The following GRIK4 variants were observed in gnomAD, a reference collection of about 807,000 sequenced individuals.
The protein encoded by GRIK4 is glutamate receptor ionotropic, kainate 4.
GRIK4 carries 40 observed loss-of-function variants against 104.9 expected under a neutral mutation model. That is an observed-to-expected ratio of 0.38 (90% CI 0.30 to 0.50). GRIK4 has a LOEUF of 0.50. Ranked by LOEUF, GRIK4 falls within the 20% of genes least tolerant of loss-of-function variation. The pLI is 0.93. For missense variants in GRIK4, 1,047 were observed against 1,308.1 expected (o/e 0.80, Z 3.08); for synonymous variants, 485 against 524.9 (o/e 0.92, Z 1.04).
chr11:120,585,661 G>T, intron 1 of GRIK4, among the ~76,000 whole-genome samples: 1 of 149,986 alleles, frequency 6.7e-6, no homozygotes, highest in Non-Finnish European at 1.5e-5. Context: ...CTTCTACTCT[G>T]ATCTAGTTTG....
Position 120,902,410 on chromosome 11 carries a change from A to G in GRIK4, c.1273-2880A>G, listed in dbSNP as rs1261664043. Among the ~76,000 whole-genome samples the G allele has an allele frequency of 6.6e-6, 1 of 152,078 alleles. No homozygotes were observed. The highest frequency in any genetic ancestry group is 1.9e-4 in the East Asian group (1 of 5,180). On this transcript the variant is annotated intron_variant, in intron 12 of 20. Transcript: ENST00000527524. The surrounding 1 kb of genome is among the most constrained non-coding windows in gnomAD (Gnocchi z 4.5). ...TCCAAGACCGGCCTTGTGTCTGTTC[A>G]CTTTGAATATGTCAATAAGTTTTAA... is the stretch of plus-strand genomic sequence containing the variant.
At chr11:120,734,950 A>G (rs1951195830) in intron 3 of GRIK4, among the ~76,000 whole-genome samples, 1 of 152,196 alleles carries the variant, frequency 6.6e-6, no homozygotes, top group South Asian at 2.1e-4. Context: ...TGTTAAATTT[A>G]TCTGATAGAA....
intron 3 of GRIK4, among the ~76,000 whole-genome samples, chr11:120,793,775 G>C (rs1405857619): frequency 6.6e-6 from 1 of 150,934 alleles, no homozygotes; most frequent in Non-Finnish European, 1.5e-5. Flanking sequence ...AGTGTTAGGG[G>C]CTGAGAGCTG....
rs1054177185 is a variant in GRIK4 at position 120,762,534 on chromosome 11, A to T, written c.83-40159A>T. ...TGTCTTGTGCTGGTTTTCAAAGGGAATGCTTCCAGCTTTTGCCCATTCAGA... is the reference window on the plus strand; with the variant it reads ...TGTCTTGTGCTGGTTTTCAAAGGGATTGCTTCCAGCTTTTGCCCATTCAGA... On this transcript the variant is annotated intron_variant, in intron 3 of 20. Coordinates refer to ENST00000527524, the MANE Select transcript of GRIK4 (RefSeq NM_014619.5). Among the ~76,000 whole-genome samples the T allele has an allele frequency of 1.1e-4, 17 of 152,318 alleles. No individual in the cohort carries two copies. The South Asian group carries it at 3.3e-3, about 30-fold the overall frequency.
intron 6 of GRIK4, among the ~76,000 whole-genome samples, chr11:120,830,654 T>C (rs2135561675): frequency 6.6e-6 from 1 of 152,304 alleles, no homozygotes; most frequent in East Asian, 1.9e-4. Context: ...CTACCTCCGA[T>C]TCTCCTCTGT....
intron 1 of GRIK4, among the ~76,000 whole-genome samples, chr11:120,575,307 C>T (rs1314543138): frequency 6.6e-6 from 1 of 152,158 alleles, no homozygotes; most frequent in Non-Finnish European, 1.5e-5. Context: ...CATTTATCAT[C>T]TCAGGCCTCC....
chr11:120,788,804 T>C (rs1373096761), intron 3 of GRIK4, among the ~76,000 whole-genome samples: 5 of 150,914 alleles, frequency 3.3e-5, no homozygotes, highest in Admixed American at 3.3e-4. Flanking sequence ...ATTGTCCTAA[T>C]TATGCCCCCT....
chr11:120,514,835 G>A (rs953773450), intron 1 of GRIK4: 37 of 382,816 alleles, frequency 9.7e-5, no homozygotes, highest in African/African-American at 6.9e-4. Flanking sequence ...TGGGCACTTC[G>A]AGTGTCCACT....
At chr11:120,744,632 C>T (rs1001031081) in intron 3 of GRIK4, among the ~76,000 whole-genome samples, 4 of 151,858 alleles carry the variant, frequency 2.6e-5, no homozygotes, top group East Asian at 3.9e-4. Context: ...GGAGGAGACA[C>T]GGGTAGGGTA....
At position 120,660,341 on chromosome 11, in the gene GRIK4, TG is replaced by T. The variant is rs1949792235; in HGVS notation, c.25del (p.Val9CysfsTer8). On this transcript the variant is annotated frameshift_variant, in exon 3 of 21. Coordinates refer to ENST00000527524, the MANE Select transcript of GRIK4 (RefSeq NM_014619.5). LOFTEE classifies it high-confidence loss of function. The stretch of plus-strand genomic sequence containing the variant: ...AAGATGCCCCGCGTCTCGGCGCCTT[TG>T]GTGCTGCTTCCTGCGTGGCTCGTGA... Reference protein sequence around the residue: MPRVSAPLVLLPAWLVMV... With the variant: MPRVSAPXVLLPAWLVMV... The T allele has an allele frequency of 3.1e-6, 5 of 1,613,464 alleles. No individual in the cohort carries two copies. The highest frequency in any genetic ancestry group is 4.2e-6 in the Non-Finnish European group (5 of 1,179,932).
chr11:120,560,743 A>T (rs917114339), intron 1 of GRIK4, among the ~76,000 whole-genome samples: 1 of 152,218 alleles, frequency 6.6e-6, no homozygotes, highest in African/African-American at 2.4e-5. Context: ...GGTTGTGAGG[A>T]TTAAATGAGA....
At position 120,905,501 on chromosome 11, in the gene GRIK4, G is replaced by C; in HGVS notation, c.1476+8G>C. The C allele has an allele frequency of 8.2e-7, 1 of 1,226,816 alleles. No individual in the cohort carries two copies. Among genetic ancestry groups the C allele is most frequent in the Non-Finnish European group, 1.1e-6 (1 of 892,054 alleles). The allele number at this position is 1,226,816 out of a possible 1,614,324, so 76.0% of individuals were successfully genotyped here. ...GGGGAGCTGATCGCTAGGGTAAGGA[G>C]AGGACAAGTGATCTGGGCCTGAGGG... On this transcript the variant is annotated splice_region_variant and intron_variant, in intron 13 of 20. Transcript: ENST00000527524. This position sits in a 1 kb window ranked among gnomAD's most constrained non-coding sequence, Gnocchi z 5.1.
At position 120,953,598 on chromosome 11, in the gene GRIK4, G is replaced by A. The variant is rs1055703346; in HGVS notation, c.1700+634G>A. On this transcript the variant is annotated intron_variant, in intron 15 of 20. Transcript: ENST00000527524. This position sits in a 1 kb window ranked among gnomAD's most constrained non-coding sequence, Gnocchi z 4.9. ...CAAGAAGTGCTGAGTTGAGACGCAC[G>A]GGCCAGACCAGGGAGGGGGGAGAAT... is the stretch of plus-strand genomic sequence containing the variant. Among the ~76,000 whole-genome samples the A allele has an allele frequency of 6.6e-6, 1 of 152,108 alleles. No homozygotes were observed. The highest frequency in any genetic ancestry group is 1.5e-5 in the Non-Finnish European group (1 of 68,012).
chr11:120,546,164 A>G (rs1948083794), intron 1 of GRIK4, among the ~76,000 whole-genome samples: 1 of 152,064 alleles, frequency 6.6e-6, no homozygotes, highest in African/African-American at 2.4e-5. Flanking sequence ...TGTGGAGGAG[A>G]CAGGAGATTT....
chr11:120,900,794 T>C (rs1056105029), intron 12 of GRIK4, among the ~76,000 whole-genome samples: 27 of 152,160 alleles, frequency 1.8e-4, no homozygotes, highest in African/African-American at 6.5e-4. Flanking sequence ...CCCCAGGGTT[T>C]CACCCACGCC....
intron 12 of GRIK4, among the ~76,000 whole-genome samples, chr11:120,904,672 A>T (rs965200025): frequency 6.6e-6 from 1 of 152,164 alleles, no homozygotes; most frequent in African/African-American, 2.4e-5. Context: ...GCTACCCTGG[A>T]AGGTCCATCG....
intron 13 of GRIK4, among the ~76,000 whole-genome samples, chr11:120,910,467 G>A (rs995705673): frequency 7.9e-5 from 12 of 152,200 alleles, no homozygotes; most frequent in African/African-American, 2.9e-4. Context: ...ATGGTTGTTC[G>A]AGAGGCTCTC....
intron 3 of GRIK4, among the ~76,000 whole-genome samples, chr11:120,672,640 T>C (rs1232766988): frequency 6.6e-6 from 1 of 152,238 alleles, no homozygotes; most frequent in African/African-American, 2.4e-5. Flanking sequence ...GAAGAGGTCC[T>C]TCACATCCCT....
At chr11:120,761,710 T>C (rs1951751504) in intron 3 of GRIK4, among the ~76,000 whole-genome samples, 1 of 152,222 alleles carries the variant, frequency 6.6e-6, no homozygotes, top group Non-Finnish European at 1.5e-5. Flanking sequence ...TAGGGAATCC[T>C]TTTCCCATTG....
Sources: gnomAD v4.1 joint callset for allele counts (sites outside exome capture counted in the v4.1 genomes callset) on GRCh38, gnomAD v4.1.1 for gene constraint, Gnocchi (gnomAD v3.1) non-coding constraint, MANE v1.5 for transcripts, NCBI Gene and HGNC (gene_info 2026-07-23, HGNC 2026-07-21) for gene names.